The following CNTN1 variants were observed in gnomAD, a reference collection of about 807,000 sequenced individuals.
CNTN1 encodes the protein contactin 1, also known as contactin-1.
A neutral mutation model predicts 126.4 loss-of-function variants in CNTN1; 38 were observed. That is an observed-to-expected ratio of 0.30 (90% CI 0.23 to 0.39). The LOEUF is 0.39. CNTN1 is among the 10% of genes least tolerant of loss of function. The pLI is 1.00. For missense variants in CNTN1, 1,009 were observed against 1,248.4 expected (o/e 0.81, Z 2.89); for synonymous variants, 413 against 422.6 (o/e 0.98, Z 0.28).
intron 1 of CNTN1, among the ~76,000 whole-genome samples, chr12:40,747,615 T>G (rs1938237234): frequency 6.6e-6 from 1 of 152,014 alleles, no homozygotes; most frequent in Non-Finnish European, 1.5e-5. Context: ...TTTTAAAATA[T>G]CAGTTTGGCT....
At chr12:40,706,926 C>T (rs1176250463) in intron 1 of CNTN1, among the ~76,000 whole-genome samples, 2 of 152,312 alleles carry the variant, frequency 1.3e-5, no homozygotes, top group East Asian at 3.9e-4. Context: ...GCATTTCTAA[C>T]AGTGTCTCTG....
At chr12:40,752,387 T>A (rs1938436916) in intron 1 of CNTN1, among the ~76,000 whole-genome samples, 1 of 152,134 alleles carries the variant, frequency 6.6e-6, no homozygotes, top group African/African-American at 2.4e-5. Context: ...TAAGGTTCTT[T>A]CCTTATATGC....
intron 23 of CNTN1, among the ~76,000 whole-genome samples, chr12:41,065,385 G>A (rs1414839628): frequency 1.3e-5 from 2 of 152,052 alleles, no homozygotes; most frequent in African/African-American, 2.4e-5. Context: ...ACTCATATTA[G>A]CCAGCTTGTC....
At chr12:40,929,200 G>C (rs879644058) in intron 6 of CNTN1, among the ~76,000 whole-genome samples, 26 of 151,746 alleles carry the variant, frequency 1.7e-4, no homozygotes, top group Non-Finnish European at 3.5e-4. Flanking sequence ...ATTTCATGTG[G>C]GTAAGAGTTA....
intron 1 of CNTN1, among the ~76,000 whole-genome samples, chr12:40,883,144 G>T (rs1053996052): frequency 6.6e-6 from 1 of 151,574 alleles, no homozygotes; most frequent in African/African-American, 2.4e-5. Flanking sequence ...CTAGAGTTTT[G>T]AACCAGGGGA....
chr12:40,835,600 C>A (rs115883644), intron 1 of CNTN1, among the ~76,000 whole-genome samples: 76 of 152,138 alleles, frequency 5.0e-4, no homozygotes, highest in African/African-American at 1.8e-3. Context: ...TGTTTTACTG[C>A]CAATATGATC....
At chr12:40,890,154 GTACTT>G (rs1944190493) in intron 1 of CNTN1, among the ~76,000 whole-genome samples, 2 of 152,232 alleles carry the variant, frequency 1.3e-5, no homozygotes, top group African/African-American at 4.8e-5. Context: ...ACTCCCCACT[GTACTT>G]TATTTCTCCT....
At chr12:40,972,221 C>A in intron 15 of CNTN1, 7 of 985,242 alleles carry the variant, frequency 7.1e-6, no homozygotes, top group Non-Finnish European at 8.4e-6. Flanking sequence ...TTGACTCCTG[C>A]CATCAGCTTT....
chr12:40,928,584 A>C (rs536581958), intron 6 of CNTN1, among the ~76,000 whole-genome samples: 9 of 152,200 alleles, frequency 5.9e-5, no homozygotes, highest in Non-Finnish European at 1.0e-4. Flanking sequence ...AATAATAAAC[A>C]TATGCTGCTG....
chr12:40,747,596 T>G (rs1596537), intron 1 of CNTN1, among the ~76,000 whole-genome samples: 146,897 of 152,028 alleles, frequency 0.97, 71,020 homozygotes, highest in Non-Finnish European at 0.99. Flanking sequence ...TACCTAATAC[T>G]ATTTGCACTT....
At chr12:40,700,557 AT>A (rs2121107619) in intron 1 of CNTN1, among the ~76,000 whole-genome samples, 1 of 151,760 alleles carries the variant, frequency 6.6e-6, no homozygotes, top group African/African-American at 2.4e-5. Context: ...AATAAACTGG[AT>A]TTTCTTTGTT....
intron 1 of CNTN1, among the ~76,000 whole-genome samples, chr12:40,777,215 A>T (rs1022547686): frequency 6.6e-6 from 1 of 151,432 alleles, no homozygotes; most frequent in African/African-American, 2.4e-5. Flanking sequence ...CCATGCTAGG[A>T]TAGTCAGGGT....
At position 40,879,062 on chromosome 12, in the gene CNTN1, C is replaced by T. The variant is rs548760425; in HGVS notation, c.-76-29295C>T. 5.3e-5 allele frequency among the ~76,000 whole-genome samples: 8 copies of T among 152,244 alleles called. No individual in the cohort carries two copies. In the East Asian group the frequency reaches 1.2e-3, roughly 22 times the overall value. On this transcript the variant is annotated intron_variant, in intron 1 of 23. Coordinates refer to ENST00000551295, the MANE Select transcript of CNTN1 (RefSeq NM_001843.4). ...GGGCAGCGAGGTCACATATCCCAGC[C>T]TTGGTTTATTCAGAGATTGATTAAC...
chr12:41,036,400 AATC>A (rs1345496142), intron 23 of CNTN1, among the ~76,000 whole-genome samples: 1 of 152,178 alleles, frequency 6.6e-6, no homozygotes, highest in Admixed American at 6.5e-5. Context: ...TTTTTATGGT[AATC>A]ATCAAGACTA....
intron 15 of CNTN1, among the ~76,000 whole-genome samples, chr12:40,962,564 G>A (rs1947141846): frequency 6.6e-6 from 1 of 152,046 alleles, no homozygotes; most frequent in African/African-American, 2.4e-5. Context: ...GTCATGTATG[G>A]TAGGATTTAG....
chr12:40,911,966 A>G (rs893356494), intron 3 of CNTN1, among the ~76,000 whole-genome samples: 3 of 151,230 alleles, frequency 2.0e-5, no homozygotes, highest in African/African-American at 4.8e-5. Context: ...TGATTAGTCA[A>G]CCAACAATGT....
intron 23 of CNTN1, among the ~76,000 whole-genome samples, chr12:41,032,028 T>C (rs1241785652): frequency 6.6e-6 from 1 of 152,210 alleles, no homozygotes; most frequent in African/African-American, 2.4e-5. Flanking sequence ...AGCATTATGC[T>C]GTTTGTTCAT....
At chr12:40,984,501 C>A (rs1319011952) in intron 16 of CNTN1, among the ~76,000 whole-genome samples, 1 of 152,132 alleles carries the variant, frequency 6.6e-6, no homozygotes, top group African/African-American at 2.4e-5. Flanking sequence ...AGAGAGGGAG[C>A]AACAAAGAGA....
At chr12:41,039,859 GAGTC>G (rs1278724402) in intron 23 of CNTN1, among the ~76,000 whole-genome samples, 3 of 152,034 alleles carry the variant, frequency 2.0e-5, no homozygotes, top group Admixed American at 1.3e-4. Context: ...TTGCTGAACA[GAGTC>G]AGTATTATAT....
Sources: gnomAD v4.1 joint callset for allele counts (sites outside exome capture counted in the v4.1 genomes callset) on GRCh38, gnomAD v4.1.1 for gene constraint, MANE v1.5 for transcripts, NCBI Gene and HGNC (gene_info 2026-07-23, HGNC 2026-07-21) for gene names.